The following HCRTR2 variants were observed in gnomAD, a reference collection of about 807,000 sequenced individuals.
The protein encoded by HCRTR2 is orexin receptor type 2.
A neutral mutation model predicts 49.0 loss-of-function variants in HCRTR2; 22 were observed. The observed-to-expected ratio is 0.45, with a 90% CI of 0.32 to 0.64. HCRTR2 has a LOEUF of 0.64. HCRTR2 is among the 30% of genes least tolerant of loss of function. HCRTR2 has a pLI of 0.04. For synonymous variants in HCRTR2, 236 were observed against 205.3 expected (o/e 1.15, Z -1.28); for missense variants, 491 against 559.4 (o/e 0.88, Z 1.23).
intron 1 of HCRTR2, among the ~76,000 whole-genome samples, chr6:55,141,621 T>C (rs1365496450): frequency 6.6e-6 from 1 of 152,190 alleles, no homozygotes; most frequent in African/African-American, 2.4e-5. Flanking sequence ...AATAAAGATA[T>C]ATCCCAAATG....
chr6:55,172,479 A>C (rs1041054788), upstream of HCRTR2, among the ~76,000 whole-genome samples: 1 of 152,160 alleles, frequency 6.6e-6, no homozygotes, highest in Non-Finnish European at 1.5e-5. Context: ...ACCCTCAGGA[A>C]ATATTTGGTA....
intron 4 of HCRTR2, among the ~76,000 whole-genome samples, chr6:55,265,719 G>A (rs2127324229): frequency 6.6e-6 from 1 of 152,166 alleles, no homozygotes; most frequent in South Asian, 2.1e-4. Flanking sequence ...ACACTATACA[G>A]AAGTCAAAAA....
At chr6:55,188,893 G>A (rs548043742) in intron 1 of HCRTR2, among the ~76,000 whole-genome samples, 161 of 152,306 alleles carry the variant, frequency 1.1e-3, no homozygotes, top group African/African-American at 3.7e-3. Flanking sequence ...TTGTTGACAT[G>A]TGAATACGAT....
chr6:55,186,437 T>A (rs1355693251), intron 1 of HCRTR2, among the ~76,000 whole-genome samples: 1 of 152,194 alleles, frequency 6.6e-6, no homozygotes, highest in Non-Finnish European at 1.5e-5. Context: ...AAAGACCATT[T>A]GAAAATCTTT....
rs1241821654 is a variant in HCRTR2 at position 55,187,452 on chromosome 6, A to G, written c.223+12642A>G. On this transcript the variant is annotated intron_variant, in intron 1 of 6. Coordinates refer to ENST00000370862, the MANE Select transcript of HCRTR2 (RefSeq NM_001384272.1). ...AAAAAAAAAAAAAAAAAAAAAAAGA[A>G]AACGAAAAGAAAAGAAAGCAGATAT... Among the ~76,000 whole-genome samples the G allele has an allele frequency of 2.2e-4, 33 of 147,362 alleles. 1 individual carries two copies. Among genetic ancestry groups the G allele is most frequent in the Non-Finnish European group, 6.0e-5 (4 of 66,736 alleles).
intron 1 of HCRTR2, among the ~76,000 whole-genome samples, chr6:55,166,348 GTCAGGAAGTCCAAAAGACTTC>G (rs1185669273): frequency 1.3e-5 from 2 of 151,150 alleles, no homozygotes; most frequent in African/African-American, 4.9e-5. Flanking sequence ...TGTTGAGCGT[GTCAGGAAGTCCAAAAGACTTC>G]TTCTTTAGTG....
intron 1 of HCRTR2, among the ~76,000 whole-genome samples, chr6:55,159,571 A>G (rs1764777409): frequency 6.6e-6 from 1 of 152,226 alleles, no homozygotes; most frequent in South Asian, 2.1e-4. Flanking sequence ...ACCCAATGCA[A>G]GGAAGCTAAG....
At chr6:55,109,363 C>A (rs1764018436) in intron 1 of HCRTR2, among the ~76,000 whole-genome samples, 1 of 151,970 alleles carries the variant, frequency 6.6e-6, no homozygotes. Flanking sequence ...TTGATTTAAA[C>A]CAAGATGAAG....
chr6:55,242,121 C>T (rs959252415), intron 1 of HCRTR2, among the ~76,000 whole-genome samples: 1 of 151,908 alleles, frequency 6.6e-6, no homozygotes, highest in Non-Finnish European at 1.5e-5. Flanking sequence ...CCACCCACCT[C>T]GGCCTCCCAA....
At chr6:55,113,496 A>C (rs1016081140) in intron 1 of HCRTR2, among the ~76,000 whole-genome samples, 1 of 152,130 alleles carries the variant, frequency 6.6e-6, no homozygotes, top group Non-Finnish European at 1.5e-5. Flanking sequence ...TCTCAAAAGA[A>C]GATACACAAA....
At chr6:55,149,599 T>C (rs751774302) in intron 1 of HCRTR2, among the ~76,000 whole-genome samples, 1 of 152,098 alleles carries the variant, frequency 6.6e-6, no homozygotes, top group Non-Finnish European at 1.5e-5. Flanking sequence ...ATGTAAACCC[T>C]TTAATGCAGG....
At chr6:55,208,338 A>T (rs1270009306) in intron 1 of HCRTR2, among the ~76,000 whole-genome samples, 2 of 151,160 alleles carry the variant, frequency 1.3e-5, no homozygotes, top group African/African-American at 4.9e-5. Flanking sequence ...AAAAAAAAAA[A>T]AAAAATAGCC....
At chr6:55,113,345 C>A (rs1276607552) in intron 1 of HCRTR2, among the ~76,000 whole-genome samples, 1 of 151,934 alleles carries the variant, frequency 6.6e-6, no homozygotes, top group Non-Finnish European at 1.5e-5. Flanking sequence ...AACAGACAAC[C>A]CACAGAGTGG....
rs749332159 is a variant in HCRTR2, at chr6:55,282,316, T to G, written c.1197T>G (p.Thr399=). ...RQEDRLTRGR[T]STESRKSLTT... is the part of the protein sequence containing the mutation. ...AGGATCGGCTCACCAGGGGACGAAC[T>G]AGCACAGAGAGCCGGAAGTCCTTGA... The change falls in exon 7 of 7, where the codon ACT becomes ACG. Residue 399 remains threonine, a synonymous_variant. Coordinates refer to ENST00000370862, the MANE Select transcript of HCRTR2 (RefSeq NM_001384272.1). 3 of 1,613,704 alleles carry G rather than the reference T, an allele frequency of 1.9e-6. No individual in the cohort carries two copies. The African/African-American group carries it at 4.0e-5, about 22-fold the overall frequency.
chr6:55,109,879 A>G (rs1764026153), intron 1 of HCRTR2, among the ~76,000 whole-genome samples: 1 of 152,182 alleles, frequency 6.6e-6, no homozygotes, highest in Admixed American at 6.5e-5. Context: ...AACATCTGGG[A>G]AATTCATTAC....
intron 1 of HCRTR2, among the ~76,000 whole-genome samples, chr6:55,217,421 A>G (rs1765808069): frequency 6.6e-6 from 1 of 152,166 alleles, no homozygotes; most frequent in Non-Finnish European, 1.5e-5. Context: ...GAATTGGCCA[A>G]AAGTAACCAC....
chr6:55,147,932 A>G (rs547220501), intron 1 of HCRTR2, among the ~76,000 whole-genome samples: 6 of 148,298 alleles, frequency 4.0e-5, no homozygotes, highest in East Asian at 1.9e-4. Flanking sequence ...TTCAACAGAA[A>G]CTAATGTCAT....
chr6:55,259,704 T>G (rs1196484042), intron 3 of HCRTR2, among the ~76,000 whole-genome samples: 2 of 151,824 alleles, frequency 1.3e-5, no homozygotes, highest in East Asian at 3.9e-4. Flanking sequence ...ATTCATCAGT[T>G]GAGTAAAAAC....
At chr6:55,128,100 A>C (rs534338427) in intron 1 of HCRTR2, among the ~76,000 whole-genome samples, 1 of 152,134 alleles carries the variant, frequency 6.6e-6, no homozygotes, top group Non-Finnish European at 1.5e-5. Context: ...ATTTTTGTAC[A>C]TGGTGTAAGG....
Sources: gnomAD v4.1 joint callset for allele counts (sites outside exome capture counted in the v4.1 genomes callset) on GRCh38, gnomAD v4.1.1 for gene constraint, MANE v1.5 for transcripts, NCBI Gene and HGNC (gene_info 2026-07-23, HGNC 2026-07-21) for gene names.